The following PSMA5 variants were observed in gnomAD, a reference collection of about 807,000 sequenced individuals.
The protein encoded by PSMA5 is proteasome 20S subunit alpha 5.
In PSMA5, 3 loss-of-function variants were observed where a neutral mutation model predicts 34.5. That is an observed-to-expected ratio of 0.09 (90% CI 0.04 to 0.22). The LOEUF (loss-of-function observed/expected upper bound fraction) is 0.22. Ranked by LOEUF, PSMA5 falls within the 10% of genes least tolerant of loss-of-function variation. The pLI is 1.00. For synonymous variants in PSMA5, 88 were observed against 95.8 expected, an observed-to-expected ratio of 0.92 and a Z score of 0.47; for missense variants, 120 against 286.1, an observed-to-expected ratio of 0.42 and a Z score of 4.19.
At chr1:109,406,476 C>T (rs962872324) in intron 8 of PSMA5, among the ~76,000 whole-genome samples, 1 of 152,112 alleles carries the variant, frequency 6.6e-6, no homozygotes, top group Non-Finnish European at 1.5e-5. Flanking sequence ...GGCAGGAGAA[C>T]TGCCTGAGGC....
At chr1:109,406,635 C>A (rs2100955339) in intron 8 of PSMA5, among the ~76,000 whole-genome samples, 1 of 152,170 alleles carries the variant, frequency 6.6e-6, no homozygotes, top group South Asian at 2.1e-4. Context: ...GAGTTCAAGA[C>A]CAGTCTAGGC....
chr1:109,421,678 G>A (rs1483811119), intron 2 of PSMA5, among the ~76,000 whole-genome samples, 182 bp downstream of exon 2: 1 of 151,988 alleles, frequency 6.6e-6, no homozygotes, highest in East Asian at 1.9e-4. Context: ...TGCTCAAAAA[G>A]TTTTAAAATA....
chr1:109,402,114 A>G lies in PSMA5; in HGVS notation c.649-24T>C, dbSNP rs183634373. ...AGCTGGAAAGAAAACAGAAGGGTTA[A>G]TAAGCTGGGCTGAGTTACCCTGCTG... On this transcript the variant is annotated intron_variant, in intron 8 of 8. Coordinates refer to ENST00000271308, the MANE Select transcript of PSMA5 (RefSeq NM_002790.4). The G allele has an allele frequency of 3.8e-6, 6 of 1,580,870 alleles. No individual in the cohort carries two copies. The Admixed American group carries it at 1.0e-4, about 27-fold the overall frequency.
intron 8 of PSMA5, among the ~76,000 whole-genome samples, chr1:109,403,507 T>C (rs914573191): frequency 1.3e-5 from 2 of 151,190 alleles, no homozygotes; most frequent in Non-Finnish European, 2.9e-5. Flanking sequence ...AGCAAACGCC[T>C]GTGTCCCACG....
intron 1 of PSMA5, among the ~76,000 whole-genome samples, chr1:109,423,739 A>T (rs952200030): frequency 2.6e-5 from 4 of 152,104 alleles, no homozygotes; most frequent in Non-Finnish European, 4.4e-5. Context: ...AATTCATATC[A>T]ATTCCTCCTC....
chr1:109,418,308 C>G (rs1218093648), intron 2 of PSMA5, among the ~76,000 whole-genome samples: 1 of 151,996 alleles, frequency 6.6e-6, no homozygotes, highest in Non-Finnish European at 1.5e-5. Context: ...AACAATCTGA[C>G]CAGTTCAAAA....
At chr1:109,406,044 T>C (rs567573947) in intron 8 of PSMA5, among the ~76,000 whole-genome samples, 1 of 152,294 alleles carries the variant, frequency 6.6e-6, no homozygotes, top group Non-Finnish European at 1.5e-5. Context: ...CCTGGGGGTG[T>C]CATCAACCAA....
intron 4 of PSMA5, chr1:109,412,773 T>C (rs1654047501): frequency 1.1e-5 from 3 of 272,224 alleles, no homozygotes; most frequent in South Asian, 1.7e-4. Context: ...CCTCCTGCCA[T>C]GATGCTCCCA....
intron 3 of PSMA5, among the ~76,000 whole-genome samples, chr1:109,413,733 C>T (rs1187876537): frequency 1.3e-5 from 2 of 152,192 alleles, no homozygotes; most frequent in Non-Finnish European, 2.9e-5. Context: ...AAATAACTTC[C>T]TTAATATATC....
At chr1:109,421,612 A>T (rs1654448367) in intron 2 of PSMA5, among the ~76,000 whole-genome samples, 1 of 152,212 alleles carries the variant, frequency 6.6e-6, no homozygotes, top group Non-Finnish European at 1.5e-5. Context: ...AAGCACAAAT[A>T]TGTCCCTCCA....
At chr1:109,413,271 T>C (rs879240794) in intron 3 of PSMA5, 136 bp from the exon 4 acceptor site, 2 of 739,860 alleles carry the variant, frequency 2.7e-6, no homozygotes, top group African/African-American at 1.8e-5. Context: ...ACCCAAAAGA[T>C]TAGATAGGAA....
At chr1:109,406,691 A>G (rs1288291596) in intron 8 of PSMA5, among the ~76,000 whole-genome samples, 1 of 152,230 alleles carries the variant, frequency 6.6e-6, no homozygotes, top group Non-Finnish European at 1.5e-5. Flanking sequence ...AAAAACATTT[A>G]TATGAAATTC....
chr1:109,418,989 T>C (rs972304275), intron 2 of PSMA5, among the ~76,000 whole-genome samples: 2 of 152,060 alleles, frequency 1.3e-5, no homozygotes, highest in Non-Finnish European at 2.9e-5. Context: ...ACCCCGTCTC[T>C]ACTAAAAATG....
chr1:109,414,529 G>T (rs1001075435), intron 3 of PSMA5, among the ~76,000 whole-genome samples: 3 of 152,114 alleles, frequency 2.0e-5, no homozygotes, highest in Non-Finnish European at 4.4e-5. Flanking sequence ...CACATTGTAG[G>T]CTCTCAATTT....
chr1:109,406,642 A>G (rs1400203422), intron 8 of PSMA5, among the ~76,000 whole-genome samples: 1 of 152,200 alleles, frequency 6.6e-6, no homozygotes, highest in South Asian at 2.1e-4. Context: ...AGACCAGTCT[A>G]GGCAATACAG....
At chr1:109,413,182 A>G in intron 3 of PSMA5, 47 bp from the exon 4 acceptor site, 1 of 1,557,308 alleles carries the variant, frequency 6.4e-7, no homozygotes, top group Admixed American at 1.7e-5. Flanking sequence ...TCCTTGTAAA[A>G]CTCTTTCATC....
intron 1 of PSMA5, 146 bp from the exon 2 acceptor site, chr1:109,422,072 A>T: frequency 1.9e-6 from 1 of 518,984 alleles, no homozygotes. Context: ...AATCTGTAGC[A>T]TTTTTTTGTA....
intron 2 of PSMA5, among the ~76,000 whole-genome samples, chr1:109,419,937 C>A (rs1654373332): frequency 7.0e-6 from 1 of 143,862 alleles, no homozygotes; most frequent in African/African-American, 2.6e-5. Flanking sequence ...TGCGCCACTG[C>A]ATTCTAGCCT....
At chr1:109,415,439 A>G in intron 2 of PSMA5, 76 bp from the exon 3 acceptor site, 1 of 1,446,234 alleles carries the variant, frequency 6.9e-7, no homozygotes, top group South Asian at 1.5e-5. Flanking sequence ...AGCTCTCTGT[A>G]AATCTTCACA....
Sources: gnomAD v4.1 joint callset for allele counts (sites outside exome capture counted in the v4.1 genomes callset) on GRCh38, gnomAD v4.1.1 for gene constraint, MANE v1.5 for transcripts, NCBI Gene and HGNC (gene_info 2026-07-23, HGNC 2026-07-21) for gene names.